The following HIKESHI variants were observed in gnomAD, a reference collection of about 807,000 sequenced individuals.
HIKESHI encodes the protein heat shock protein nuclear import factor hikeshi, also known as protein Hikeshi.
HIKESHI carries 13 observed loss-of-function variants against 25.7 expected under a neutral mutation model. That is an observed-to-expected ratio of 0.51 (90% CI 0.33 to 0.80). The LOEUF is 0.80. Among genes scored for constraint, HIKESHI ranks in the 30% least tolerant of loss-of-function variants. HIKESHI has a pLI of 0.02. For missense variants in HIKESHI, 174 were observed against 229.5 expected, an observed-to-expected ratio of 0.76 and a Z score of 1.56; for synonymous variants, 76 against 78.7, an observed-to-expected ratio of 0.97 and a Z score of 0.18.
intron 2 of HIKESHI, among the ~76,000 whole-genome samples, chr11:86,314,648 A>G (rs1818001113): frequency 6.6e-6 from 1 of 152,068 alleles, no homozygotes; most frequent in African/African-American, 2.4e-5. Flanking sequence ...AGAAAGAAAG[A>G]AATGGGAGAG....
intron 2 of HIKESHI, among the ~76,000 whole-genome samples, chr11:86,324,641 T>C (rs1947230454): frequency 6.6e-6 from 1 of 152,198 alleles, no homozygotes; most frequent in Non-Finnish European, 1.5e-5. Context: ...CATTAAAATA[T>C]AAGAATAGGT....
At chr11:86,303,373 A>G in intron 1 of HIKESHI, 2 of 980,074 alleles carry the variant, frequency 2.0e-6, no homozygotes, top group Non-Finnish European at 2.4e-6. Context: ...GAAGCCAGAA[A>G]GATAAGTTGG....
intron 2 of HIKESHI, among the ~76,000 whole-genome samples, chr11:86,310,113 G>A (rs1345028232): frequency 2.7e-5 from 4 of 147,728 alleles, no homozygotes; most frequent in Non-Finnish European, 3.0e-5. Flanking sequence ...AAAGTCATTG[G>A]TAGCTTGATG....
At chr11:86,338,770 CT>C (rs1947639977) in intron 3 of HIKESHI, among the ~76,000 whole-genome samples, 1 of 152,094 alleles carries the variant, frequency 6.6e-6, no homozygotes, top group Admixed American at 6.5e-5. Context: ...TACAAATAAG[CT>C]GCTGTGCTGA....
Position 86,306,261 on chromosome 11 carries a change from A to G in HIKESHI, c.47A>G (p.Gln16Arg), listed in dbSNP as rs370169348. 54 of 1,612,802 alleles carry G rather than the reference A, an allele frequency of 3.3e-5. No individual in the cohort carries two copies. The highest frequency in any genetic ancestry group is 4.6e-5 in the Non-Finnish European group (54 of 1,178,960). The change falls in exon 2 of 5, where the codon CAG (glutamine) becomes CGG (arginine). Residue 16 changes from glutamine (Q) to arginine (R), a missense_variant. Coordinates refer to ENST00000278483, the MANE Select transcript of HIKESHI (RefSeq NM_016401.4). The stretch of plus-strand genomic sequence containing the variant: ...ATTTTCTAGGTGCAAACAGCTGCAC[A>G]GCAAGTGGCAGAGGATAAATTTGTT... ...VAGRLVQTAA[Q>R]QVAEDKFVFD...
At chr11:86,307,415 T>A (rs1198871294) in intron 2 of HIKESHI, among the ~76,000 whole-genome samples, 5 of 133,494 alleles carry the variant, frequency 3.7e-5, no homozygotes, top group African/African-American at 1.1e-4. Context: ...TATATATCAA[T>A]ATATTATGTG....
intron 3 of HIKESHI, among the ~76,000 whole-genome samples, chr11:86,342,626 T>C (rs916597304): frequency 1.1e-4 from 16 of 152,126 alleles, no homozygotes; most frequent in Non-Finnish European, 4.4e-5. Context: ...AGGTTTACTT[T>C]TTGAATATGT....
At chr11:86,305,605 C>T (rs1033179685) in intron 1 of HIKESHI, among the ~76,000 whole-genome samples, 4 of 149,596 alleles carry the variant, frequency 2.7e-5, no homozygotes, top group Non-Finnish European at 4.5e-5. Context: ...AGGCTGGTTT[C>T]GAACTCCTGA....
At chr11:86,307,772 TA>T (rs1203734415) in intron 2 of HIKESHI, among the ~76,000 whole-genome samples, 14 of 116,950 alleles carry the variant, frequency 1.2e-4, no homozygotes, top group South Asian at 2.6e-4. Flanking sequence ...ATACATTATA[TA>T]AAATATATAT....
At chr11:86,319,217 A>AATATATATATATATAT (rs139667221) in intron 2 of HIKESHI, among the ~76,000 whole-genome samples, 1 of 115,072 alleles carries the variant, frequency 8.7e-6, no homozygotes, top group African/African-American at 3.5e-5. Flanking sequence ...CTGGCTTAAA[A>AATATATATATATATAT]ATATATATAT....
intron 2 of HIKESHI, among the ~76,000 whole-genome samples, chr11:86,330,815 G>A (rs1947402276): frequency 6.6e-6 from 1 of 152,086 alleles, no homozygotes; most frequent in Non-Finnish European, 1.5e-5. Flanking sequence ...TCTAGCCTTA[G>A]CAGTATCATA....
At chr11:86,304,297 A>G (rs996209828) in intron 1 of HIKESHI, among the ~76,000 whole-genome samples, 7 of 152,278 alleles carry the variant, frequency 4.6e-5, no homozygotes, top group Non-Finnish European at 8.8e-5. Flanking sequence ...CCTAACACAC[A>G]TATTTTCTCT....
chr11:86,312,422 C>T (rs1946858350), intron 2 of HIKESHI, among the ~76,000 whole-genome samples: 2 of 152,128 alleles, frequency 1.3e-5, no homozygotes, highest in South Asian at 4.1e-4. Context: ...GGTAGATCTT[C>T]CTCCATCCCT....
intron 4 of HIKESHI, chr11:86,345,370 C>G: frequency 4.8e-6 from 2 of 419,044 alleles, no homozygotes; most frequent in Non-Finnish European, 4.2e-6. Context: ...TTTGTGCTCT[C>G]TGATAAAAGC....
intron 2 of HIKESHI, among the ~76,000 whole-genome samples, chr11:86,322,773 T>C (rs773103432): frequency 6.6e-6 from 1 of 151,888 alleles, no homozygotes; most frequent in Admixed American, 6.6e-5. Context: ...TTAAATTTAA[T>C]ATTTATTGCA....
intron 3 of HIKESHI, among the ~76,000 whole-genome samples, chr11:86,340,641 G>T (rs911536722): frequency 2.0e-5 from 3 of 151,990 alleles, no homozygotes; most frequent in Non-Finnish European, 2.9e-5. Context: ...GTAGATTCTG[G>T]ATATTAGTCA....
chr11:86,303,488 A>G, intron 1 of HIKESHI: 2 of 718,772 alleles, frequency 2.8e-6, no homozygotes, highest in Non-Finnish European at 3.4e-6. Flanking sequence ...TGCTCTTAAT[A>G]GGGAAAAAGG....
chr11:86,305,136 A>G (rs1234525211), intron 1 of HIKESHI, among the ~76,000 whole-genome samples: 1 of 152,004 alleles, frequency 6.6e-6, no homozygotes, highest in African/African-American at 2.4e-5. Context: ...AGTAGCTGGG[A>G]CCAAAGGCGC....
intron 1 of HIKESHI, among the ~76,000 whole-genome samples, 189 bp downstream of exon 1, chr11:86,302,667 T>C (rs907027163): frequency 6.6e-6 from 1 of 152,264 alleles, no homozygotes; most frequent in Admixed American, 6.5e-5. Context: ...TTCTTTCGAA[T>C]AGTAGTCACA....
Sources: allele counts gnomAD v4.1 joint callset (sites outside exome capture counted in the v4.1 genomes callset), GRCh38; gene constraint gnomAD v4.1.1; transcripts MANE v1.5; gene names NCBI Gene and HGNC (gene_info 2026-07-23, HGNC 2026-07-21).